The following SEC31A variants were observed in gnomAD, a reference collection of about 807,000 sequenced individuals.
SEC31A encodes the protein protein transport protein Sec31A.
SEC31A carries 70 observed loss-of-function variants against 151.0 expected under a neutral mutation model. That is an observed-to-expected ratio of 0.46 (90% CI 0.38 to 0.57). The LOEUF (loss-of-function observed/expected upper bound fraction) is 0.57, where lower values mean the gene tolerates loss of function less well. Ranked by LOEUF, SEC31A falls within the 20% of genes least tolerant of loss-of-function variation. The pLI, the probability that SEC31A is intolerant of heterozygous loss-of-function variation, is 0.00. For synonymous variants in SEC31A, 475 were observed against 505.9 expected (o/e 0.94, Z 0.82); for missense variants, 1,330 against 1,471.2 (o/e 0.90, Z 1.57).
Position 82,863,370 on chromosome 4 carries a change from C to A in SEC31A, c.1457G>T (p.Arg486Leu), listed in dbSNP as rs747030120. The change falls in exon 12 of 27, where the codon CGT (arginine) becomes CTT (leucine). Residue 486 changes from arginine (R) to leucine (L), a missense_variant. Coordinates refer to ENST00000395310, the MANE Select transcript of SEC31A (RefSeq NM_001077207.4). ...FLKVNFEDDS[R>L]GKYLELLGYR... is the part of the protein sequence containing the mutation. ...TCCTAGAAGTTCAAGGTATTTTCCACGAGAATCATCCTCAAAGTTTACCTT... is the reference window on the plus strand; with the variant it reads ...TCCTAGAAGTTCAAGGTATTTTCCAAGAGAATCATCCTCAAAGTTTACCTT... 5.7e-6 allele frequency: 9 copies of A among 1,576,388 alleles called. No individual in the cohort carries two copies. In the African/African-American group the frequency reaches 8.3e-5, roughly 14 times the overall value.
At position 82,819,081 on chromosome 4, in the gene SEC31A, C is replaced by G; in HGVS notation, c.3656G>C (p.Gly1219Ala). The G allele has an allele frequency of 1.9e-6, 3 of 1,594,854 alleles. No individual in the cohort carries two copies. The East Asian group carries it at 6.7e-5, about 36-fold the overall frequency. Residue 1219 changes from glycine to alanine, a missense_variant, in exon 27 of 27, where the codon GGT becomes GCT. Gly to Ala is a moderately conservative substitution (Grantham distance 60). Coordinates refer to ENST00000395310, the MANE Select transcript of SEC31A (RefSeq NM_001077207.4). ...GGAAGAGAAGCTGTCCTTTTAGACA[C>G]CCAGCTTATTGGCCTGGGTGAGAAC... ...KVVLTQANKL[G>A]V
chr4:82,836,386 A>G (rs1038954835), intron 22 of SEC31A, among the ~76,000 whole-genome samples: 2 of 151,488 alleles, frequency 1.3e-5, no homozygotes, highest in African/African-American at 2.4e-5. Flanking sequence ...AAAAAAAAAA[A>G]AAAAAAGAAA....
At chr4:82,884,762 T>C (rs1740274923) in intron 1 of SEC31A, among the ~76,000 whole-genome samples, 1 of 152,204 alleles carries the variant, frequency 6.6e-6, no homozygotes, top group Admixed American at 6.5e-5. Context: ...GAATTGTTCT[T>C]GGGACCTAGA....
intron 6 of SEC31A, among the ~76,000 whole-genome samples, chr4:82,872,832 A>G (rs1737041285): frequency 6.6e-6 from 1 of 151,866 alleles, no homozygotes; most frequent in African/African-American, 2.4e-5. Context: ...CAGCTTCCCA[A>G]TAGCTGGGAG....
intron 4 of SEC31A, among the ~76,000 whole-genome samples, chr4:82,876,428 T>C (rs942042409): frequency 6.6e-5 from 10 of 152,208 alleles, no homozygotes; most frequent in African/African-American, 2.4e-4. Flanking sequence ...TCTTAATCAG[T>C]CATGCAACCA....
At position 82,851,611 on chromosome 4, in the gene SEC31A, G is replaced by A; in HGVS notation, c.2155-7C>T. The A allele has an allele frequency of 6.3e-7, 1 of 1,593,294 alleles. No homozygotes were observed. The highest frequency in any genetic ancestry group is 8.6e-7 in the Non-Finnish European group (1 of 1,168,440). ...CAACTTTCTCAATCAGATCCTAAAT[G>A]AAAAAAATGAGTAACAAACAGAAAT... On this transcript the variant is annotated splice_polypyrimidine_tract_variant and splice_region_variant and intron_variant, in intron 18 of 26. Coordinates refer to ENST00000395310, the MANE Select transcript of SEC31A (RefSeq NM_001077207.4).
chr4:82,842,592 G>A, intron 21 of SEC31A, 111 bp from the exon 22 acceptor site: 12 of 837,188 alleles, frequency 1.4e-5, no homozygotes, highest in Non-Finnish European at 2.2e-5. Flanking sequence ...ATCAAAATAA[G>A]TTACAATCCC....
chr4:82,823,438 C>G (rs1325070500), intron 25 of SEC31A, among the ~76,000 whole-genome samples: 2 of 152,234 alleles, frequency 1.3e-5, no homozygotes, highest in East Asian at 3.8e-4. Context: ...TTTATGTTAA[C>G]TGCTTTCCTG....
At chr4:82,861,437 G>T (rs1382301701) in intron 14 of SEC31A, among the ~76,000 whole-genome samples, 194 bp downstream of exon 14, 2 of 152,186 alleles carry the variant, frequency 1.3e-5, no homozygotes, top group African/African-American at 4.8e-5. Context: ...CAGAAACAAG[G>T]TTGGAGAACT....
chr4:82,831,696 A>G (rs1418596664), intron 22 of SEC31A, among the ~76,000 whole-genome samples: 2 of 152,184 alleles, frequency 1.3e-5, no homozygotes, highest in African/African-American at 4.8e-5. Flanking sequence ...AGAAACTGTA[A>G]TTTCTGGGGT....
rs937893677 is a variant in SEC31A, at chr4:82,845,133, T to C, written c.2503-624A>G. 1.1e-4 allele frequency: 115 copies of C among 1,049,090 alleles called. No homozygotes were observed. The African/African-American group carries it at 1.7e-3, about 16-fold the overall frequency. 65.0% of individuals were successfully genotyped at this position (1,049,090 alleles called of 1,614,324 possible). Reference sequence around the variant, plus strand: ...GGTGAAAGAGCTTGAGGAAGGTAAGTAGAGAACATATAACTGTATATTTAG... The same window carrying C: ...GGTGAAAGAGCTTGAGGAAGGTAAGCAGAGAACATATAACTGTATATTTAG... On this transcript the variant is annotated intron_variant, in intron 20 of 26. Coordinates refer to ENST00000395310, the MANE Select transcript of SEC31A (RefSeq NM_001077207.4).
chr4:82,879,109 C>T (rs1738667824), intron 3 of SEC31A, among the ~76,000 whole-genome samples, 181 bp from the exon 4 acceptor site: 2 of 152,222 alleles, frequency 1.3e-5, no homozygotes, highest in African/African-American at 2.4e-5. Flanking sequence ...TATTTATACT[C>T]ATATTTGCAT....
chr4:82,828,673 C>CAAAAAAAAAAAAAA (rs397994259), intron 23 of SEC31A, among the ~76,000 whole-genome samples: 110 of 44,016 alleles, frequency 2.5e-3, no homozygotes, highest in Non-Finnish European at 3.2e-3. Flanking sequence ...CAAAGTAACT[C>CAAAAAAAAAAAAAA]AAAAAAAAAA....
At chr4:82,888,384 A>ACATATATATATATATGCGTATATATACG (rs1560676357) in intron 1 of SEC31A, among the ~76,000 whole-genome samples, 1 of 2,870 alleles carries the variant, frequency 3.5e-4, no homozygotes, top group African/African-American at 7.6e-4. Flanking sequence ...CACACAAAAA[A>ACATATATATATATATGCGTATATATACG]CATATATATA....
intron 8 of SEC31A, among the ~76,000 whole-genome samples, chr4:82,869,440 A>C (rs922497523): frequency 1.3e-5 from 2 of 152,010 alleles, no homozygotes; most frequent in African/African-American, 4.8e-5. Context: ...AACAAAATCC[A>C]ATTTTTTAGT....
chr4:82,866,694 A>C, intron 10 of SEC31A, 114 bp downstream of exon 10: 1 of 906,510 alleles, frequency 1.1e-6, no homozygotes, highest in Non-Finnish European at 1.6e-6. Context: ...ACCCACAAGT[A>C]CATCTCAAAT....
intron 12 of SEC31A, 32 bp downstream of exon 12, chr4:82,863,286 G>C (rs1227488508): frequency 7.6e-6 from 9 of 1,178,602 alleles, no homozygotes; most frequent in Non-Finnish European, 1.1e-5. Context: ...GATTCATAAA[G>C]AGCATGCCAT....
At chr4:82,874,452 G>C (rs1229963334) in intron 6 of SEC31A, among the ~76,000 whole-genome samples, 159 bp downstream of exon 6, 1 of 151,908 alleles carries the variant, frequency 6.6e-6, no homozygotes, top group Non-Finnish European at 1.5e-5. Flanking sequence ...TTTTCCCTTA[G>C]AGGAAAAAAA....
At chr4:82,862,000 G>A (rs1316498372) in intron 13 of SEC31A, among the ~76,000 whole-genome samples, 3 of 125,276 alleles carry the variant, frequency 2.4e-5, no homozygotes, top group Admixed American at 1.1e-4. Flanking sequence ...TGCAACCTCC[G>A]CCTCCCAGTT....
Sources: allele counts gnomAD v4.1 joint callset (sites outside exome capture counted in the v4.1 genomes callset), GRCh38; gene constraint gnomAD v4.1.1; transcripts MANE v1.5; gene names NCBI Gene and HGNC (gene_info 2026-07-23, HGNC 2026-07-21).